ARHGEF40: variants seen among roughly 807,000 people sequenced by gnomAD.
The protein encoded by ARHGEF40 is Rho guanine nucleotide exchange factor (GEF) 40.
A neutral mutation model predicts 165.9 loss-of-function variants in ARHGEF40; 98 were observed. That is an observed-to-expected ratio of 0.59 (90% CI 0.50 to 0.70). ARHGEF40 has a LOEUF of 0.70. ARHGEF40 is among the 30% of genes least tolerant of loss of function. The pLI is 0.00. For synonymous variants in ARHGEF40, 792 were observed against 814.3 expected (o/e 0.97, Z 0.47); for missense variants, 1,815 against 1,968.0 (o/e 0.92, Z 1.47).
intron 16 of ARHGEF40, among the ~76,000 whole-genome samples, chr14:21,083,559 G>GAAGAA (rs1055185248): frequency 2.6e-5 from 4 of 152,232 alleles, no homozygotes; most frequent in Admixed American, 6.5e-5. Flanking sequence ...CAGGGGAAAA[G>GAAGAA]AAGAAAAGAA....
At chr14:21,080,199 GACACACACACACACACACACACAC>G (rs71112543) in intron 11 of ARHGEF40, among the ~76,000 whole-genome samples, 37 of 135,316 alleles carry the variant, frequency 2.7e-4, no homozygotes, top group African/African-American at 4.8e-4. Flanking sequence ...ATTAAAGCCG[GACACACACACACACACACACACAC>G]ACACACACAC....
intron 1 of ARHGEF40, among the ~76,000 whole-genome samples, chr14:21,071,157 A>C (rs1886801194): frequency 6.6e-6 from 1 of 152,206 alleles, no homozygotes; most frequent in Non-Finnish European, 1.5e-5. Flanking sequence ...AGCTCCCTGC[A>C]GGGACTAGGG....
At chr14:21,080,064 A>G (rs1887751392) in intron 11 of ARHGEF40, among the ~76,000 whole-genome samples, 1 of 152,088 alleles carries the variant, frequency 6.6e-6, no homozygotes, top group South Asian at 2.1e-4. Context: ...ACAGTCTCAG[A>G]CTTCTCATCC....
chr14:21,068,125 G>A (rs1234087821), upstream of ARHGEF40, among the ~76,000 whole-genome samples: 5 of 45,678 alleles, frequency 1.1e-4, 2 homozygotes, highest in South Asian at 1.4e-3. Context: ...TCAGCCTCCC[G>A]AGTAGCTGGG....
rs1176627199 is a variant in ARHGEF40, at chr14:21,073,100, C to T, written c.59C>T (p.Pro20Leu). Reference protein sequence around the residue: ...VQSTLAALYPPFEATAPTLLG... With the variant: ...VQSTLAALYPLFEATAPTLLG... ...AGCACTCTCGCCGCCCTGTATCCAC[C>T]CTTTGAGGCAACAGCCCCCACCCTG... Residue 20 changes from proline to leucine, a missense_variant, in exon 2 of 24, where the codon CCC becomes CTC. By Grantham distance (98) the Pro-to-Leu change is moderately conservative. Coordinates refer to ENST00000298694, the MANE Select transcript of ARHGEF40 (RefSeq NM_018071.5). The surrounding 1 kb of genome is among the most constrained non-coding windows in gnomAD (Gnocchi z 4.6). The T allele has an allele frequency of 2.5e-6, 4 of 1,614,128 alleles. No homozygotes were observed. The highest frequency in any genetic ancestry group is 1.1e-5 in the South Asian group (1 of 91,082).
rs116653208 is a variant in ARHGEF40, at chr14:21,078,191, A to G, written c.2049A>G (p.Leu683=). The G allele has an allele frequency of 1.0e-4, 165 of 1,613,634 alleles. 1 individual carries two copies. In the African/African-American group the frequency reaches 1.9e-3, roughly 18 times the overall value. ...GTGGGTTTCAGGAAGTGGTAAGGCT[A>G]TGTCGCCTGTGCCAAGGTGTGCTGG... ...WVEIHQEVVR[L]CRLCQGVLGS... Residue 683 remains leucine, a synonymous_variant, in exon 9 of 24, where the codon CTA becomes CTG. Transcript: ENST00000298694.
At chr14:21,069,957 G>C (rs1429895664), upstream of ARHGEF40, among the ~76,000 whole-genome samples, 2 of 152,218 alleles carry the variant, frequency 1.3e-5, no homozygotes, top group Non-Finnish European at 2.9e-5. Flanking sequence ...ATCCCTTGCC[G>C]AGGCTAAACT....
the ARHGEF40 span, among the ~76,000 whole-genome samples, chr14:21,062,708 AGTGTGTGTGTGT>A: frequency 1.5e-5 from 2 of 130,976 alleles, no homozygotes; most frequent in South Asian, 2.7e-4. Flanking sequence ...GGCTGGGCAC[AGTGTGTGTGTGT>A]GTGTGTGTGT....
chr14:21,073,407 T>C lies in ARHGEF40; in HGVS notation c.201+165T>C, dbSNP rs922355883. On this transcript the variant is annotated intron_variant, in intron 2 of 23. Coordinates refer to ENST00000298694, the MANE Select transcript of ARHGEF40 (RefSeq NM_018071.5). This position sits in a 1 kb window ranked among gnomAD's most constrained non-coding sequence, Gnocchi z 4.6. ...TCATTCTCTGACCTCTCACAAACTT[T>C]GACCTTCACAGGCACTGACCATTCA... 6.6e-6 allele frequency among the ~76,000 whole-genome samples: 1 copy of C among 151,824 alleles called. No homozygotes were observed. The highest frequency in any genetic ancestry group is 2.4e-5 in the African/African-American group (1 of 41,254).
rs1478438097 is a variant in ARHGEF40, at chr14:21,089,955, A to G, written c.*947A>G. 4.3e-6 allele frequency: 1 copy of G among 230,914 alleles called. No homozygotes were observed. Among genetic ancestry groups the G allele is most frequent in the Non-Finnish European group, 8.9e-6 (1 of 112,396 alleles). The allele number at this position is 230,914 out of a possible 1,614,324, so 14.3% of individuals were successfully genotyped here. A position where few individuals can be genotyped will look rare whatever the true frequency, so the allele number is the denominator to read the frequency against. ...GCATCGAAACCTGGGGGTAAAACCC[A>G]ATATTCTGCATTTCTTATCAAACTC... On this transcript the variant is annotated 3_prime_UTR_variant, in exon 24 of 24. Coordinates refer to ENST00000298694, the MANE Select transcript of ARHGEF40 (RefSeq NM_018071.5).
In ARHGEF40 at chr14:21,074,747, G is replaced by A; in HGVS notation, c.1017G>A (p.Glu339=). Residue 339 remains glutamate, a synonymous_variant, in exon 3 of 24, where the codon GAG becomes GAA. Coordinates refer to ENST00000298694, the MANE Select transcript of ARHGEF40 (RefSeq NM_018071.5). This position sits in a 1 kb window ranked among gnomAD's most constrained non-coding sequence, Gnocchi z 4.8. ...TGGAGGTGTCTGAGCCCCCAGCAGA[G>A]GCTGTGGGAGAAGCCTCCGGATCTT... The part of the protein sequence containing the change: ...AVLEVSEPPA[E]AVGEASGSCP... 6.2e-7 allele frequency: 1 copy of A among 1,608,952 alleles called. No homozygotes were observed. Among genetic ancestry groups the A allele is most frequent in the Non-Finnish European group, 8.5e-7 (1 of 1,178,374 alleles).
rs1887022031 is a variant in ARHGEF40, at chr14:21,072,412, T to C, written c.4-633T>C. Among the ~76,000 whole-genome samples the C allele has an allele frequency of 6.6e-6, 1 of 152,176 alleles. No individual in the cohort carries two copies. The highest frequency in any genetic ancestry group is 2.4e-5 in the African/African-American group (1 of 41,432). On this transcript the variant is annotated intron_variant, in intron 1 of 23. Coordinates refer to ENST00000298694, the MANE Select transcript of ARHGEF40 (RefSeq NM_018071.5). This position sits in a 1 kb window ranked among gnomAD's most constrained non-coding sequence, Gnocchi z 4.1. ...ACATGCTCTAAGATTGGGTGATTGC[T>C]TCAGAGCCACTGTGGGAGAAGGAAG...
In ARHGEF40 at chr14:21,087,322, G is replaced by C. The variant is rs55901089; in HGVS notation, c.4246G>C (p.Ala1416Pro). 72 of 1,603,348 alleles carry C rather than the reference G, an allele frequency of 4.5e-5. No homozygotes were observed. The highest frequency in any genetic ancestry group is 5.9e-5 in the Non-Finnish European group (69 of 1,177,360). ...CCCCCACTCCCCACTCTCTGCAGCC[G>C]CCCGCACCCGGGCCTCCGTGGCCGT... ...TLSALLTGRA[A>P]RTRASVAVSS... Residue 1416 changes from alanine to proline, a missense_variant and splice_region_variant, in exon 21 of 24, where the codon GCC becomes CCC. Physicochemically the swap from Ala to Pro is conservative, Grantham distance 27 (BLOSUM62 -1). Transcript: ENST00000298694.
chr14:21,068,496 A>G (rs1886408529), upstream of ARHGEF40, among the ~76,000 whole-genome samples: 1 of 152,076 alleles, frequency 6.6e-6, no homozygotes, highest in Non-Finnish European at 1.5e-5. Context: ...CCTGGTGAGG[A>G]AAGGTTCAGA....
chr14:21,080,678 G>A lies in ARHGEF40; in HGVS notation c.2392G>A (p.Gly798Ser). 1 of 1,611,088 alleles carries A rather than the reference G, an allele frequency of 6.2e-7. No homozygotes were observed. Among genetic ancestry groups the A allele is most frequent in the Non-Finnish European group, 8.5e-7 (1 of 1,179,192 alleles). ...GCCTCAGGTGTTGCAGTGGCTCTCG[G>A]GCCCAGGGGAGGAGCAGCTGGCAAG... ...RLQQVLQWLS[G>S]PGEEQLASFA... Residue 798 changes from glycine to serine, a missense_variant, in exon 12 of 24, where the codon GGC becomes AGC. By Grantham distance (56) the Gly-to-Ser change is moderately conservative. Coordinates refer to ENST00000298694, the MANE Select transcript of ARHGEF40 (RefSeq NM_018071.5).
chr14:21,083,126 G>C (rs1888060032), intron 16 of ARHGEF40, among the ~76,000 whole-genome samples: 1 of 152,212 alleles, frequency 6.6e-6, no homozygotes, highest in Admixed American at 6.5e-5. Flanking sequence ...CAGGACTCCT[G>C]TTTCCTCTGG....
chr14:21,083,764 C>A, intron 16 of ARHGEF40, 71 bp from the exon 17 acceptor site: 2 of 1,444,430 alleles, frequency 1.4e-6, no homozygotes, highest in Non-Finnish European at 1.9e-6. Context: ...ACCCACCTAC[C>A]CCCCAACCCC....
rs535597382 is a variant in ARHGEF40, at chr14:21,081,043, GCCC to G, written c.2640+32_2640+34del. 7.5e-3 allele frequency: 11,967 copies of G among 1,596,232 alleles called. 59 individuals carry two copies. The highest frequency in any genetic ancestry group is 9.0e-3 in the Non-Finnish European group (10,509 of 1,170,000). Reference sequence around the variant, plus strand: ...TGCATGCAGAGCCTTTTCCTTCTGTGCCCCCCCATTTCCATTTATTCACTTCCT... The same window carrying G: ...TGCATGCAGAGCCTTTTCCTTCTGTGCCCCATTTCCATTTATTCACTTCCT... On this transcript the variant is annotated intron_variant, in intron 13 of 23. Coordinates refer to ENST00000298694, the MANE Select transcript of ARHGEF40 (RefSeq NM_018071.5).
chr14:21,086,942 A>T, intron 19 of ARHGEF40, 59 bp from the exon 20 acceptor site: 1 of 1,361,052 alleles, frequency 7.3e-7, no homozygotes, highest in Non-Finnish European at 1.0e-6. Flanking sequence ...CAACCATGAC[A>T]TGCTAGGGCT....
Sources: allele counts gnomAD v4.1 joint callset (sites outside exome capture counted in the v4.1 genomes callset), GRCh38; gene constraint gnomAD v4.1.1; non-coding constraint Gnocchi (gnomAD v3.1); transcripts MANE v1.5; gene names NCBI Gene and HGNC (gene_info 2026-07-23, HGNC 2026-07-21).